The following OR4E2 variants were observed in gnomAD, a reference collection of about 807,000 sequenced individuals.
OR4E2 encodes olfactory receptor 4E2.
Under a neutral mutation model 11.0 loss-of-function variants are expected in OR4E2, and 9 were observed. That is an observed-to-expected ratio of 0.82 (90% CI 0.49 to 1.43). The LOEUF is 1.43. OR4E2 is among the 40% of genes most tolerant of loss of function. The probability of loss-of-function intolerance (pLI) is 0.00; values close to 1 mark genes in which losing one functional copy is unlikely to be tolerated. For missense variants in OR4E2, 441 were observed against 382.0 expected, an observed-to-expected ratio of 1.15 and a Z score of -1.29; for synonymous variants, 159 against 147.3, an observed-to-expected ratio of 1.08 and a Z score of -0.57.
At chr14:21,657,369 C>A (rs889416505) in intron 2 of OR4E2, among the ~76,000 whole-genome samples, 1 of 145,784 alleles carries the variant, frequency 6.9e-6, no homozygotes. Flanking sequence ...TTCCTTCCTT[C>A]CTTCCTTCCT....
rs1036968665 is a variant in OR4E2, at chr14:21,666,153, C to T, written c.*129C>T. Reference sequence around the variant, plus strand: ...GCATAGAGCAGGTCAGATTTCTGCTCATTAAAGATAAGAACTTATTCTGTT... The same window carrying T: ...GCATAGAGCAGGTCAGATTTCTGCTTATTAAAGATAAGAACTTATTCTGTT... On this transcript the variant is annotated 3_prime_UTR_variant, in exon 4 of 4. Transcript: ENST00000641524. The T allele has an allele frequency of 1.6e-6, 1 of 630,526 alleles. No homozygotes were observed. The highest frequency in any genetic ancestry group is 1.8e-5 in the African/African-American group (1 of 54,088). The allele number at this position is 630,526 out of a possible 1,614,324, so 39.1% of individuals were successfully genotyped here.
At position 21,666,154 on chromosome 14, in the gene OR4E2, A is replaced by T. The variant is rs1438580600; in HGVS notation, c.*130A>T. 2 of 630,010 alleles carry T rather than the reference A, an allele frequency of 3.2e-6. No individual in the cohort carries two copies. The highest frequency in any genetic ancestry group is 5.6e-6 in the Non-Finnish European group (2 of 359,332). 39.0% of individuals were successfully genotyped at this position (630,010 alleles called of 1,614,324 possible). A position where few individuals can be genotyped will look rare whatever the true frequency, so the allele number is the denominator to read the frequency against. ...CATAGAGCAGGTCAGATTTCTGCTC[A>T]TTAAAGATAAGAACTTATTCTGTTC... On this transcript the variant is annotated 3_prime_UTR_variant, in exon 4 of 4. Transcript: ENST00000641524.
At chr14:21,662,709 A>G (rs1880400490) in intron 3 of OR4E2, among the ~76,000 whole-genome samples, 1 of 152,080 alleles carries the variant, frequency 6.6e-6, no homozygotes, top group Non-Finnish European at 1.5e-5. Flanking sequence ...TATTGTTCCT[A>G]ATGTAAGCCC....
chr14:21,655,196 A>T (rs1879875518), intron 1 of OR4E2, among the ~76,000 whole-genome samples: 1 of 152,260 alleles, frequency 6.6e-6, no homozygotes, highest in Admixed American at 6.5e-5. Context: ...GACTTGCTCA[A>T]GTATACGCAG....
chr14:21,657,729 T>A (rs2139800605), intron 2 of OR4E2, among the ~76,000 whole-genome samples: 1 of 152,010 alleles, frequency 6.6e-6, no homozygotes, highest in East Asian at 1.9e-4. Flanking sequence ...TAGCTGGGAT[T>A]ATAGGCATGC....
At chr14:21,657,368 TCCTTCCTTCCTTCCTTC>T (rs1880011467) in intron 2 of OR4E2, among the ~76,000 whole-genome samples, 1 of 146,706 alleles carries the variant, frequency 6.8e-6, no homozygotes, top group Admixed American at 7.1e-5. Flanking sequence ...CTTCCTTCCT[TCCTTCCTTCCTTCCTTC>T]CTTTCTTTCT....
rs34453088 is a variant in OR4E2, at chr14:21,654,747, T to TGAGAGA, written c.-191+828_-191+833dup. Among the ~76,000 whole-genome samples, 428 of 146,510 alleles carry TGAGAGA rather than the reference T, an allele frequency of 2.9e-3. 3 individuals are homozygous for TGAGAGA. Among genetic ancestry groups the TGAGAGA allele is most frequent in the Non-Finnish European group, 3.1e-3 (208 of 66,322 alleles). ...GTGTATATACATTATATATATAAAATGAGAGAGAGAGAGAGAGAGAGAGAG... is the reference window on the plus strand; with the variant it reads ...GTGTATATACATTATATATATAAAATGAGAGAGAGAGAGAGAGAGAGAGAGAGAGAG... On this transcript the variant is annotated intron_variant, in intron 1 of 3. Coordinates refer to ENST00000641524, the MANE Select transcript of OR4E2 (RefSeq NM_001001912.3).
At chr14:21,654,883 C>T (rs1879858440) in intron 1 of OR4E2, among the ~76,000 whole-genome samples, 1 of 152,054 alleles carries the variant, frequency 6.6e-6, no homozygotes, top group South Asian at 2.1e-4. Context: ...CTGTTGCAGT[C>T]TTGAATCTAG....
chr14:21,663,960 T>G (rs1274182057), intron 3 of OR4E2, among the ~76,000 whole-genome samples: 2 of 152,254 alleles, frequency 1.3e-5, no homozygotes, highest in Non-Finnish European at 2.9e-5. Flanking sequence ...TGCATAATAT[T>G]TCATGGTGTT....
intron 2 of OR4E2, among the ~76,000 whole-genome samples, chr14:21,658,480 A>T (rs978589321): frequency 2.6e-5 from 4 of 152,206 alleles, no homozygotes; most frequent in Non-Finnish European, 5.9e-5. Context: ...GCCTTCTCTA[A>T]GTAACACTTC....
chr14:21,656,120 A>AAACC (rs1307431411), intron 1 of OR4E2, among the ~76,000 whole-genome samples: 7 of 152,102 alleles, frequency 4.6e-5, no homozygotes, highest in East Asian at 1.9e-4. Context: ...CTCTACAAAA[A>AAACC]AACCAACCAA....
At chr14:21,657,151 C>T (rs75536337) in intron 2 of OR4E2, among the ~76,000 whole-genome samples, 30,121 of 152,196 alleles carry the variant, frequency 0.2, 3,272 homozygotes, top group African/African-American at 0.25. Context: ...GAAGTCCTTA[C>T]GCAGCAAACC....
intron 1 of OR4E2, among the ~76,000 whole-genome samples, chr14:21,654,429 G>T (rs187070026): frequency 2.1e-3 from 303 of 146,754 alleles, no homozygotes; most frequent in African/African-American, 7.2e-3. Context: ...CACACACGCT[G>T]CATGCACACA....
rs1220899310 is a variant in OR4E2, at chr14:21,657,402, C to CT, written c.-103+815dup. Among the ~76,000 whole-genome samples, 84 of 133,566 alleles carry CT rather than the reference C, an allele frequency of 6.3e-4. 1 individual carries two copies. Among genetic ancestry groups the CT allele is most frequent in the South Asian group, 1.2e-3 (5 of 4,168 alleles). The allele number at this position is 133,566 out of a possible 152,430, so 87.6% of individuals were successfully genotyped here. ...CCTTCCTTCCTTTCTTTCTTCCTTCCTTCCTTTCTTTCTTTCTTTCTCTTT... is the reference window on the plus strand; with the variant it reads ...CCTTCCTTCCTTTCTTTCTTCCTTCCTTTCCTTTCTTTCTTTCTTTCTCTTT... On this transcript the variant is annotated intron_variant, in intron 2 of 3. Transcript: ENST00000641524.
intron 1 of OR4E2, among the ~76,000 whole-genome samples, chr14:21,656,170 C>CA (rs2139795925): frequency 7.3e-6 from 1 of 136,300 alleles, no homozygotes; most frequent in Non-Finnish European, 1.6e-5. Flanking sequence ...ACAAAACAAA[C>CA]AACCAAAAAA....
In OR4E2 at chr14:21,667,074, T is replaced by C. The variant is rs1880689424; in HGVS notation, c.*1050T>C. 1 of 152,144 alleles carries C rather than the reference T, an allele frequency of 6.6e-6. No individual in the cohort carries two copies. The highest frequency in any genetic ancestry group is 2.4e-5 in the African/African-American group (1 of 41,404). The allele number at this position is 152,144 out of a possible 1,614,324, so 9.4% of individuals were successfully genotyped here. A position where few individuals can be genotyped will look rare whatever the true frequency, so the allele number is the denominator to read the frequency against. The stretch of plus-strand genomic sequence containing the variant: ...TGATGATGATATTCTGTGACTGAAA[T>C]AAGTAGGATTAGCTGTAAATGAAGA... On this transcript the variant is annotated 3_prime_UTR_variant, in exon 4 of 4. Coordinates refer to ENST00000641524, the MANE Select transcript of OR4E2 (RefSeq NM_001001912.3).
intron 3 of OR4E2, among the ~76,000 whole-genome samples, chr14:21,661,704 C>CATT (rs1205395840): frequency 3.9e-5 from 6 of 152,128 alleles, no homozygotes; most frequent in African/African-American, 1.4e-4. Flanking sequence ...AGATCCAACT[C>CATT]ATTATTATTA....
At position 21,656,173 on chromosome 14, in the gene OR4E2, C is replaced by T. The variant is rs1360644471; in HGVS notation, c.-190-329C>T. ...ACAAGAAACACAACAAAACAAACAA[C>T]CAAAAAAAAAAAAGCAATGAACAAA... On this transcript the variant is annotated intron_variant, in intron 1 of 3. Transcript: ENST00000641524. 3.0e-5 allele frequency among the ~76,000 whole-genome samples: 4 copies of T among 135,200 alleles called. 1 individual carries two copies. The East Asian group carries it at 1.1e-3, about 36-fold the overall frequency. 88.7% of individuals were successfully genotyped at this position (135,200 alleles called of 152,430 possible).
chr14:21,655,464 A>G (rs1480495144), intron 1 of OR4E2, among the ~76,000 whole-genome samples: 1 of 152,190 alleles, frequency 6.6e-6, no homozygotes, highest in East Asian at 1.9e-4. Context: ...CAAGAACTCG[A>G]GACCAACCTG....
Sources: allele counts gnomAD v4.1 joint callset (sites outside exome capture counted in the v4.1 genomes callset), GRCh38; gene constraint gnomAD v4.1.1; transcripts MANE v1.5; gene names NCBI Gene and HGNC (gene_info 2026-07-23, HGNC 2026-07-21).